Variants in VPS35 observed in about 807,000 individuals in gnomAD.
VPS35 encodes the protein vacuolar protein sorting-associated protein 35.
VPS35 carries 21 observed loss-of-function variants against 98.1 expected under a neutral mutation model. The ratio of observed to expected loss-of-function variants is 0.21; its 90% CI spans 0.15 to 0.31. The LOEUF (loss-of-function observed/expected upper bound fraction) is 0.31, where lower values mean the gene tolerates loss of function less well. VPS35 is among the 10% of genes least tolerant of loss of function. The pLI is 1.00. For missense variants in VPS35, 554 were observed against 950.8 expected, an observed-to-expected ratio of 0.58 and a Z score of 5.49; for synonymous variants, 268 against 318.2, an observed-to-expected ratio of 0.84 and a Z score of 1.68.
intron 1 of VPS35, 152 bp from the exon 2 acceptor site, chr16:46,683,758 T>C (rs1282858107): frequency 8.9e-6 from 7 of 786,950 alleles, no homozygotes; most frequent in South Asian, 3.0e-5. Context: ...GGAGTCTAGC[T>C]CTGTCGCCCA....
chr16:46,687,775 A>T (rs1966342618), intron 1 of VPS35, among the ~76,000 whole-genome samples: 1 of 152,164 alleles, frequency 6.6e-6, no homozygotes, highest in Admixed American at 6.5e-5. Context: ...TTCGGATGCA[A>T]AAGTGCGACA....
rs762053892 is a variant in VPS35 at position 46,689,175 on chromosome 16, G to A, written c.-42C>T. 1 of 1,601,268 alleles carries A rather than the reference G, an allele frequency of 6.2e-7. No homozygotes were observed. Among genetic ancestry groups the A allele is most frequent in the East Asian group, 2.3e-5 (1 of 44,230 alleles). On this transcript the variant is annotated 5_prime_UTR_variant, in exon 1 of 17. Transcript: ENST00000299138. Reference sequence around the variant, plus strand: ...CTGCAGCAAGCAGCACCCGCCCCGCGCGTAGCCTCCCGCGGTCATGTGACG... The same window carrying A: ...CTGCAGCAAGCAGCACCCGCCCCGCACGTAGCCTCCCGCGGTCATGTGACG...
At chr16:46,663,286 T>C in intron 13 of VPS35, 124 bp from the exon 14 acceptor site, 1 of 895,464 alleles carries the variant, frequency 1.1e-6, no homozygotes, top group Admixed American at 2.3e-5. Flanking sequence ...TTTCCTTCTC[T>C]GTTTCAGTTA....
chr16:46,669,241 C>G (rs1966033780), intron 12 of VPS35, 189 bp from the exon 13 acceptor site: 2 of 707,618 alleles, frequency 2.8e-6, no homozygotes, highest in African/African-American at 1.8e-5. Context: ...AGATACTATT[C>G]CATTTCACAA....
At chr16:46,683,984 C>T (rs1350175572) in intron 1 of VPS35, among the ~76,000 whole-genome samples, 1 of 152,186 alleles carries the variant, frequency 6.6e-6, no homozygotes, top group Non-Finnish European at 1.5e-5. Context: ...CCTCGACCTC[C>T]CAAAGTGCTT....
intron 10 of VPS35, chr16:46,673,537 T>C (rs1966097934): frequency 6.7e-6 from 1 of 149,530 alleles, no homozygotes. Flanking sequence ...GGAAGGGAAC[T>C]GCTGGGGAAG....
intron 2 of VPS35, 149 bp downstream of exon 2, chr16:46,683,359 A>G: frequency 2.6e-6 from 2 of 757,866 alleles, no homozygotes; most frequent in South Asian, 3.1e-5. Context: ...ATTGCTCCAC[A>G]AAGTGCTTGA....
chr16:46,684,262 G>A (rs778383626), intron 1 of VPS35, among the ~76,000 whole-genome samples: 7 of 152,134 alleles, frequency 4.6e-5, no homozygotes, highest in African/African-American at 1.2e-4. Context: ...AGGTATAGCC[G>A]AAACCAATCT....
intron 13 of VPS35, among the ~76,000 whole-genome samples, chr16:46,668,370 G>A (rs889678441): frequency 2.6e-5 from 4 of 152,144 alleles, no homozygotes; most frequent in Non-Finnish European, 4.4e-5. Flanking sequence ...ACTCCAGCCC[G>A]GGCGACAGAA....
intron 12 of VPS35, 117 bp downstream of exon 12, chr16:46,671,588 A>T: frequency 7.1e-7 from 1 of 1,414,506 alleles, no homozygotes; most frequent in South Asian, 1.2e-5. Context: ...TCTTTAATTC[A>T]GTTGCAATTC....
At position 46,674,676 on chromosome 16, in the gene VPS35, A is replaced by G. The variant is rs757051230; in HGVS notation, c.915-16T>C. 1.4e-5 allele frequency: 21 copies of G among 1,483,392 alleles called. No homozygotes were observed. The highest frequency in any genetic ancestry group is 1.9e-5 in the Non-Finnish European group (20 of 1,070,614). 91.9% of individuals were successfully genotyped at this position (1,483,392 alleles called of 1,614,324 possible). A position where few individuals can be genotyped will look rare whatever the true frequency, so the allele number is the denominator to read the frequency against. ...TAAAGCTAATCTAAAAAAAAAAAAA[A>G]CACCCCTTTATTTTAAAAGATACAG... is the stretch of plus-strand genomic sequence containing the variant. On this transcript the variant is annotated splice_polypyrimidine_tract_variant and intron_variant, in intron 8 of 16. Transcript: ENST00000299138.
Position 46,669,302 on chromosome 16 carries a change from A to G in VPS35, c.1525-250T>C. The G allele has an allele frequency of 1.8e-5, 9 of 504,718 alleles. No individual in the cohort carries two copies. In the South Asian group the frequency reaches 1.9e-4, roughly 11 times the overall value. The allele number at this position is 504,718 out of a possible 1,614,324, so 31.3% of individuals were successfully genotyped here. A position where few individuals can be genotyped will look rare whatever the true frequency, so the allele number is the denominator to read the frequency against. Reference sequence around the variant, plus strand: ...GTTGTATAACCTGCCCAAGGTAGCGAGTTAGAAGCAAAGATATATTTAAAT... The same window carrying G: ...GTTGTATAACCTGCCCAAGGTAGCGGGTTAGAAGCAAAGATATATTTAAAT... On this transcript the variant is annotated intron_variant, in intron 12 of 16. Transcript: ENST00000299138.
intron 5 of VPS35, 127 bp from the exon 6 acceptor site, chr16:46,679,283 T>G: frequency 1.1e-6 from 1 of 870,830 alleles, no homozygotes; most frequent in Non-Finnish European, 1.8e-6. Context: ...ACTTTCAACT[T>G]CATTGGCTTA....
intron 5 of VPS35, 35 bp downstream of exon 5, chr16:46,680,636 A>C (rs760413613): frequency 6.2e-7 from 1 of 1,605,004 alleles, no homozygotes; most frequent in Non-Finnish European, 8.5e-7. Flanking sequence ...AATGAAAGAA[A>C]TATTGCAACA....
intron 13 of VPS35, among the ~76,000 whole-genome samples, chr16:46,667,007 T>G (rs1479581482): frequency 1.3e-5 from 2 of 152,232 alleles, no homozygotes; most frequent in Non-Finnish European, 2.9e-5. Flanking sequence ...CAGGGTCACA[T>G]GGTAGTTCTA....
In VPS35 at chr16:46,680,797, T is replaced by C. The variant is rs1355860794; in HGVS notation, c.380A>G (p.Lys127Arg). ...VYVKSFPQSR[K>R]DILKDLVEMC... Reference sequence around the variant, plus strand: ...TTCTACCAAATCTTTCAAAATATCCTTCCTGGACTGAGGAAATGACTTGAC... The same window carrying C: ...TTCTACCAAATCTTTCAAAATATCCCTCCTGGACTGAGGAAATGACTTGAC... Residue 127 changes from lysine (K) to arginine (R), a missense_variant, in exon 5 of 17, where the codon AAG (lysine) becomes AGG (arginine). Transcript: ENST00000299138. 6 of 1,613,984 alleles carry C rather than the reference T, an allele frequency of 3.7e-6. No individual in the cohort carries two copies. The highest frequency in any genetic ancestry group is 5.1e-6 in the Non-Finnish European group (6 of 1,179,972).
intron 5 of VPS35, among the ~76,000 whole-genome samples, chr16:46,680,378 T>A (rs1477273328): frequency 6.6e-6 from 1 of 152,206 alleles, no homozygotes; most frequent in Admixed American, 6.5e-5. Flanking sequence ...TACAACTCTC[T>A]TAAAAAAGTT....
rs112594824 is a variant in VPS35, at chr16:46,680,600, T to C, written c.506+71A>G. The C allele has an allele frequency of 0.014, 21,160 of 1,506,604 alleles. 193 individuals are homozygous for C. The highest frequency in any genetic ancestry group is 0.018 in the Non-Finnish European group (19,366 of 1,094,776). The allele number at this position is 1,506,604 out of a possible 1,614,324, so 93.3% of individuals were successfully genotyped here. A position where few individuals can be genotyped will look rare whatever the true frequency, so the allele number is the denominator to read the frequency against. ...ATTATTCACACTTTGTTTCTGTATATGTTTCCACACTTTTATACATTCTAC... is the reference window on the plus strand; with the variant it reads ...ATTATTCACACTTTGTTTCTGTATACGTTTCCACACTTTTATACATTCTAC... On this transcript the variant is annotated intron_variant, in intron 5 of 16. Coordinates refer to ENST00000299138, the MANE Select transcript of VPS35 (RefSeq NM_018206.6).
At chr16:46,689,084 G>C (rs1966376822) in intron 1 of VPS35, 47 bp downstream of exon 1, 1 of 1,599,154 alleles carries the variant, frequency 6.3e-7, no homozygotes, top group Admixed American at 1.7e-5. Context: ...GAGAGCAGGG[G>C]CTACAAGGAG....
Sources: allele counts gnomAD v4.1 joint callset (sites outside exome capture counted in the v4.1 genomes callset), GRCh38; gene constraint gnomAD v4.1.1; transcripts MANE v1.5; gene names NCBI Gene and HGNC (gene_info 2026-07-23, HGNC 2026-07-21).